Variants in UNC80 observed in about 807,000 individuals in gnomAD.
UNC80 encodes unc-80 subunit of NALCN channel complex.
Under a neutral mutation model 384.6 loss-of-function variants are expected in UNC80, and 164 were observed. The observed-to-expected ratio is 0.43, with a 90% confidence interval of 0.38 to 0.49. The LOEUF is 0.49. Among genes scored for constraint, UNC80 ranks in the 20% least tolerant of loss-of-function variants. UNC80 has a pLI of 0.00. For synonymous variants in UNC80, 1,486 were observed against 1,527.8 expected (o/e 0.97, Z 0.64); for missense variants, 3,330 against 4,143.0 (o/e 0.80, Z 5.39).
At chr2:209,969,103 G>T (rs1045422052) in intron 52 of UNC80, 6 of 152,190 alleles carry the variant, frequency 3.9e-5, no homozygotes, top group African/African-American at 1.4e-4. Flanking sequence ...TAAAGCCCAA[G>T]CTGTTTATTT....
intron 4 of UNC80, among the ~76,000 whole-genome samples, chr2:209,778,028 C>A (rs542557961): frequency 6.6e-6 from 1 of 152,294 alleles, no homozygotes; most frequent in African/African-American, 2.4e-5. Flanking sequence ...GAAGCTATTC[C>A]TTAGACCTCA....
chr2:209,775,180 C>T (rs1352122339), intron 2 of UNC80, among the ~76,000 whole-genome samples: 14 of 152,146 alleles, frequency 9.2e-5, no homozygotes, highest in Admixed American at 9.2e-4. Context: ...AGAGTTGTTA[C>T]TTGTTCCGGA....
At chr2:209,833,453 C>T (rs2081136960) in intron 16 of UNC80, among the ~76,000 whole-genome samples, 1 of 152,100 alleles carries the variant, frequency 6.6e-6, no homozygotes, top group Non-Finnish European at 1.5e-5. Context: ...TAGTCGAGTT[C>T]ATGTTCAAAT....
chr2:209,849,480 C>T lies in UNC80; in HGVS notation c.3484C>T (p.Pro1162Ser), dbSNP rs925444475. The part of the protein sequence containing the change: ...GCHSFDDHLS[P>S]NQDGGKSKNV... Reference sequence around the variant, plus strand: ...CCACAGTTTTGATGATCATCTCTCTCCCAACCAAGATGGTGGAAAAAGCAA... The same window carrying T: ...CCACAGTTTTGATGATCATCTCTCTTCCAACCAAGATGGTGGAAAAAGCAA... The change falls in exon 22 of 65, where the codon CCC becomes TCC. Residue 1162 changes from proline (P) to serine (S), a missense_variant. Physicochemically the swap from Pro to Ser is moderately conservative, Grantham distance 74. Coordinates refer to ENST00000673920, the MANE Select transcript of UNC80 (RefSeq NM_001371986.1). 1 of 1,550,872 alleles carries T rather than the reference C, an allele frequency of 6.4e-7. No homozygotes were observed. Among genetic ancestry groups the T allele is most frequent in the African/African-American group, 1.4e-5 (1 of 72,982 alleles).
At chr2:209,874,243 A>G (rs565843360) in intron 23 of UNC80, among the ~76,000 whole-genome samples, 7 of 152,312 alleles carry the variant, frequency 4.6e-5, no homozygotes, top group African/African-American at 1.7e-4. Context: ...AATGAAATGC[A>G]TATCATGAGA....
rs1016437891 is a variant in UNC80 at position 209,926,979 on chromosome 2, A to G, written c.5799A>G (p.Gly1933=). 5 of 1,551,656 alleles carry G rather than the reference A, an allele frequency of 3.2e-6. No homozygotes were observed. Among genetic ancestry groups the G allele is most frequent in the Non-Finnish European group, 4.4e-6 (5 of 1,146,938 alleles). ...AGGATGGTGAGGTGCGGGAAGATGGAGTAGCAGGTACAGTTTTGAACAGTC... is the reference window on the plus strand; with the variant it reads ...AGGATGGTGAGGTGCGGGAAGATGGGGTAGCAGGTACAGTTTTGAACAGTC... ...LMEDGEVRED[G]VAVSAVAQQV... is the part of the protein sequence containing the mutation. The change falls in exon 36 of 65, where the codon GGA becomes GGG. Residue 1933 remains glycine, a synonymous_variant. Coordinates refer to ENST00000673920, the MANE Select transcript of UNC80 (RefSeq NM_001371986.1).
chr2:209,904,237 A>T (rs2087898918), intron 28 of UNC80, among the ~76,000 whole-genome samples: 1 of 152,218 alleles, frequency 6.6e-6, no homozygotes, highest in Non-Finnish European at 1.5e-5. Context: ...GAGAGTGGAA[A>T]TGAAACTGTA....
intron 22 of UNC80, among the ~76,000 whole-genome samples, chr2:209,859,221 G>C (rs2083175440): frequency 6.6e-6 from 1 of 152,038 alleles, no homozygotes; most frequent in Non-Finnish European, 1.5e-5. Context: ...GGTGTGTGCT[G>C]CTTACCTCTC....
intron 3 of UNC80, among the ~76,000 whole-genome samples, 162 bp from the exon 4 acceptor site, chr2:209,777,096 T>C (rs940913159): frequency 2.0e-5 from 3 of 152,230 alleles, no homozygotes; most frequent in African/African-American, 4.8e-5. Context: ...TCTGCAGAGA[T>C]TGCGGCCAGT....
intron 39 of UNC80, among the ~76,000 whole-genome samples, chr2:209,934,797 G>A (rs769712522): frequency 2.0e-5 from 3 of 152,188 alleles, no homozygotes; most frequent in Non-Finnish European, 2.9e-5. Context: ...GTTGAGATAT[G>A]TGAAATACTT....
intron 22 of UNC80, among the ~76,000 whole-genome samples, chr2:209,867,458 G>T (rs1358130441): frequency 1.3e-5 from 2 of 152,038 alleles, no homozygotes; most frequent in East Asian, 3.9e-4. Flanking sequence ...CTCCAAACTT[G>T]TATGAGAATG....
intron 41 of UNC80, 130 bp from the exon 42 acceptor site, chr2:209,937,399 G>C: frequency 1.5e-6 from 1 of 676,306 alleles, no homozygotes; most frequent in Non-Finnish European, 2.5e-6. Context: ...GTGTTGTTTA[G>C]TACATTGCCT....
rs767011635 is a variant in UNC80, at chr2:209,793,835, A to T, written c.914A>T (p.Gln305Leu). 1.5e-5 allele frequency: 24 copies of T among 1,614,200 alleles called. No homozygotes were observed. Among genetic ancestry groups the T allele is most frequent in the Non-Finnish European group, 1.9e-5 (23 of 1,180,022 alleles). Residue 305 changes from glutamine to leucine, a missense_variant, in exon 7 of 65, where the codon CAG (glutamine) becomes CTG (leucine). Gln to Leu is a moderately radical substitution (Grantham distance 113). This residue lies in a region of UNC80 where 937 missense variants were observed against 1,026.8 expected (regional missense o/e 0.91). Coordinates refer to ENST00000673920, the MANE Select transcript of UNC80 (RefSeq NM_001371986.1). ...FDGSLSSQTS[Q>L]ERGPSHSRAS... Reference sequence around the variant, plus strand: ...GGAAGTCTGTCCTCCCAAACTTCCCAGGAAAGAGGCCCATCACATTCCAGG... The same window carrying T: ...GGAAGTCTGTCCTCCCAAACTTCCCTGGAAAGAGGCCCATCACATTCCAGG...
intron 38 of UNC80, among the ~76,000 whole-genome samples, 183 bp downstream of exon 38, chr2:209,931,237 T>A (rs2090837982): frequency 6.6e-6 from 1 of 151,598 alleles, no homozygotes; most frequent in Non-Finnish European, 1.5e-5. Context: ...TCAATATAAA[T>A]GTCAGTTCCT....
intron 22 of UNC80, among the ~76,000 whole-genome samples, chr2:209,860,766 C>A (rs2083288598): frequency 6.6e-6 from 1 of 152,106 alleles, no homozygotes; most frequent in African/African-American, 2.4e-5. Flanking sequence ...TTCTTCACAT[C>A]CCTTGTTAGC....
intron 21 of UNC80, among the ~76,000 whole-genome samples, chr2:209,848,793 C>T (rs146459642): frequency 1.6e-4 from 24 of 152,200 alleles, no homozygotes; most frequent in African/African-American, 4.1e-4. Flanking sequence ...TAGGTTCCCG[C>T]ATTTTTCCAT....
chr2:209,815,345 C>A lies in UNC80; in HGVS notation c.1289C>A (p.Ala430Glu). 1 of 1,551,530 alleles carries A rather than the reference C, an allele frequency of 6.4e-7. No homozygotes were observed. The highest frequency in any genetic ancestry group is 8.7e-7 in the Non-Finnish European group (1 of 1,146,840). The stretch of plus-strand genomic sequence containing the variant: ...TCACTGACCAATCTGCGTAGATCTG[C>A]AGTCCCAGATCTTTCTTCAGACCTG... ...KVSLTNLRRS[A>E]VPDLSSDLGM... Residue 430 changes from alanine to glutamate, a missense_variant, in exon 9 of 65, where the codon GCA becomes GAA. By Grantham distance (107) the Ala-to-Glu change is moderately radical. Transcript: ENST00000673920.
At chr2:209,850,077 C>G (rs561704810) in intron 22 of UNC80, among the ~76,000 whole-genome samples, 71 of 152,170 alleles carry the variant, frequency 4.7e-4, no homozygotes, top group African/African-American at 1.7e-3. Context: ...TTTAAGCTCA[C>G]CAAGCCTTGA....
At position 209,993,426 on chromosome 2, in the gene UNC80, G is replaced by A; in HGVS notation, c.9508G>A (p.Ala3170Thr). The A allele has an allele frequency of 6.4e-7, 1 of 1,551,202 alleles. No homozygotes were observed. The highest frequency in any genetic ancestry group is 8.7e-7 in the Non-Finnish European group (1 of 1,146,618). Reference sequence around the variant, plus strand: ...CATTCAACCTAAAACGAAGCCGTCTGGTGAGGCCTCCTGTGTCCCTTCTGA... The same window carrying A: ...CATTCAACCTAAAACGAAGCCGTCTAGTGAGGCCTCCTGTGTCCCTTCTGA... ...RSIQPKTKPS[A>T]DQKRSVTFIE... The change falls in exon 63 of 65, where the codon GCG (alanine) becomes ACG (threonine). Residue 3170 changes from alanine to threonine, a missense_variant and splice_region_variant. By Grantham distance (58) the Ala-to-Thr change is moderately conservative (BLOSUM62 0). This residue lies in a region of UNC80 where 236 missense variants were observed against 254.9 expected (regional missense o/e 0.93). Coordinates refer to ENST00000673920, the MANE Select transcript of UNC80 (RefSeq NM_001371986.1).
Sources: allele counts gnomAD v4.1 joint callset (sites outside exome capture counted in the v4.1 genomes callset), GRCh38; gene constraint gnomAD v4.1.1; regional missense constraint gnomAD v4.1.1; transcripts MANE v1.5; gene names NCBI Gene and HGNC (gene_info 2026-07-23, HGNC 2026-07-21).